KANTR: variants seen among roughly 807,000 people sequenced by gnomAD.
KANTR encodes KANTR integral membrane protein.
At chrX:53,122,792 A>T in intron 2 of KANTR, among the ~76,000 whole-genome samples, 1 of 112,075 alleles carries the variant, frequency 8.9e-6, no homozygotes, top group Non-Finnish European at 1.9e-5. Flanking sequence ...TATAAACACA[A>T]CTTGGTCATG....
At chrX:53,114,098 G>A (rs899445972) in intron 2 of KANTR, among the ~76,000 whole-genome samples, 3 of 109,425 alleles carry the variant, frequency 2.7e-5, no homozygotes, top group African/African-American at 6.7e-5. Context: ...ACGGGGTTTC[G>A]CCATGTTGCC....
intron 2 of KANTR, among the ~76,000 whole-genome samples, chrX:53,113,634 C>T (rs1933077464): frequency 1.0e-5 from 1 of 96,426 alleles, no homozygotes; most frequent in East Asian, 3.3e-4. Flanking sequence ...GGCTGGAGTG[C>T]AGTGGCGCGA....
intron 2 of KANTR, chrX:53,113,272 G>T: frequency 5.3e-6 from 1 of 189,595 alleles, no homozygotes; most frequent in South Asian, 1.1e-4. Context: ...CAGGTTTCAT[G>T]AACTTGCCCA....
chrX:53,105,080 T>A (rs1003748131), intron 2 of KANTR, among the ~76,000 whole-genome samples: 1 of 110,527 alleles, frequency 9.0e-6, no homozygotes, highest in African/African-American at 3.3e-5. Context: ...AGATGGGGTT[T>A]TGCCATGTTG....
intron 2 of KANTR, among the ~76,000 whole-genome samples, chrX:53,116,038 T>A (rs1933118015): frequency 8.9e-6 from 1 of 112,267 alleles, no homozygotes; most frequent in Non-Finnish European, 1.9e-5. Context: ...GTTTGTTTGT[T>A]CAGTGACTTT....
downstream of KANTR, chrX:53,143,353 T>A: frequency 1.3e-6 from 1 of 744,777 alleles, no homozygotes; most frequent in Non-Finnish European, 2.0e-6. Flanking sequence ...CATGAGGTAG[T>A]TGGTCAGGTC....
At chrX:53,110,073 G>T (rs1556813486) in intron 2 of KANTR, among the ~76,000 whole-genome samples, 1 of 111,780 alleles carries the variant, frequency 8.9e-6, no homozygotes, top group African/African-American at 3.2e-5. Flanking sequence ...ACAGTTTTTT[G>T]GTGGAGTCTT....
At chrX:53,141,983 A>T in exon 3 of KANTR, 1 of 313,387 alleles carries the variant, frequency 3.2e-6, no homozygotes. Context: ...GGACAGAAAC[A>T]ACTGGTTCAG....
chrX:53,130,497 T>A (rs905098928), downstream of KANTR, among the ~76,000 whole-genome samples: 1 of 112,228 alleles, frequency 8.9e-6, no homozygotes, highest in Admixed American at 9.5e-5. Context: ...TACAGCTGTT[T>A]TAGAATTTGT....
chrX:53,144,825 G>A (rs1933551623), downstream of KANTR, among the ~76,000 whole-genome samples: 1 of 111,785 alleles, frequency 8.9e-6, no homozygotes, highest in South Asian at 3.7e-4. Flanking sequence ...ATCAGCCAGT[G>A]TCCCTTACAC....
At chrX:53,097,430 G>A (rs782557780) in intron 1 of KANTR, among the ~76,000 whole-genome samples, 1 of 91,411 alleles carries the variant, frequency 1.1e-5, no homozygotes, top group African/African-American at 4.0e-5. Flanking sequence ...TTGGCTCACT[G>A]AAGCCTCCGC....
chrX:53,106,081 T>A (rs1052745579), intron 2 of KANTR, among the ~76,000 whole-genome samples: 19 of 106,323 alleles, frequency 1.8e-4, no homozygotes, highest in Non-Finnish European at 2.5e-4. Flanking sequence ...ATGGTCTCGA[T>A]CTCCTGACCT....
rs138520005 is a variant in KANTR at position 53,102,835 on chromosome X, A to C, written c.-805+3227A>C. Reference sequence around the variant, plus strand: ...CTGTCATTCTCTTTAACACTGGTCCAGTCCTAATTCTTGGTGATTTTAATA... The same window carrying C: ...CTGTCATTCTCTTTAACACTGGTCCCGTCCTAATTCTTGGTGATTTTAATA... On this transcript the variant is annotated intron_variant, in intron 2 of 2. Transcript: ENST00000604062. 1.0e-2 allele frequency among the ~76,000 whole-genome samples: 1,108 copies of C among 110,948 alleles called. 12 individuals carry two copies. Among genetic ancestry groups the C allele is most frequent in the African/African-American group, 0.035 (1,057 of 30,534 alleles).
At chrX:53,141,918 T>C in exon 3 of KANTR, 1 of 522,452 alleles carries the variant, frequency 1.9e-6, no homozygotes. Context: ...AAACATCAGC[T>C]AAGAAAGGAA....
intron 2 of KANTR, among the ~76,000 whole-genome samples, chrX:53,102,625 T>A (rs1054651961): frequency 3.6e-5 from 4 of 112,181 alleles, no homozygotes; most frequent in Non-Finnish European, 7.5e-5. Flanking sequence ...TGTCAGGTTT[T>A]TCCACTATAG....
chrX:53,103,153 T>A (rs1192592584), intron 2 of KANTR, among the ~76,000 whole-genome samples: 1 of 109,579 alleles, frequency 9.1e-6, no homozygotes, highest in African/African-American at 3.3e-5. Flanking sequence ...CTCAGCTAAT[T>A]TTTGTAGAGA....
chrX:53,112,087 A>G (rs1602118693), intron 2 of KANTR, among the ~76,000 whole-genome samples: 1 of 110,961 alleles, frequency 9.0e-6, no homozygotes, highest in Admixed American at 9.6e-5. Flanking sequence ...AGCAGTATAC[A>G]CTATACCCAA....
chrX:53,131,294 G>A (rs782120323), downstream of KANTR, among the ~76,000 whole-genome samples: 6 of 111,445 alleles, frequency 5.4e-5, no homozygotes, highest in East Asian at 2.8e-4. Context: ...GAAAACAGGC[G>A]CGTGGTGGGG....
At chrX:53,131,520 A>T (rs1392468112), downstream of KANTR, among the ~76,000 whole-genome samples, 1 of 112,388 alleles carries the variant, frequency 8.9e-6, no homozygotes, top group Non-Finnish European at 1.9e-5. Flanking sequence ...AACCCATATG[A>T]TTATTGCAAT....
Sources: gnomAD v4.1 joint callset for allele counts (sites outside exome capture counted in the v4.1 genomes callset) on GRCh38, gnomAD v4.1.1 for gene constraint, MANE v1.5 for transcripts, NCBI Gene and HGNC (gene_info 2026-07-23, HGNC 2026-07-21) for gene names.